The following ZZEF1 variants were observed in gnomAD, a reference collection of about 807,000 sequenced individuals.
ZZEF1 encodes zinc finger ZZ-type and EF-hand domain containing 1, also known as zinc finger ZZ-type and EF-hand domain-containing protein 1.
In ZZEF1, 157 loss-of-function variants were observed where a neutral mutation model predicts 342.8. That is an observed-to-expected ratio of 0.46 (90% CI 0.40 to 0.52). The LOEUF (loss-of-function observed/expected upper bound fraction) is 0.52, where lower values mean the gene tolerates loss of function less well. Among genes scored for constraint, ZZEF1 ranks in the 20% least tolerant of loss-of-function variants. The pLI is 0.00. For missense variants in ZZEF1, 3,480 were observed against 3,725.6 expected (o/e 0.93, Z 1.72); for synonymous variants, 1,505 against 1,429.1 (o/e 1.05, Z -1.20).
intron 23 of ZZEF1, among the ~76,000 whole-genome samples, chr17:4,074,814 AT>A (rs2057577646): frequency 1.3e-5 from 2 of 152,216 alleles, no homozygotes; most frequent in African/African-American, 4.8e-5. Context: ...AAGGCTCTTC[AT>A]TTACTCTAGA....
intron 45 of ZZEF1, 36 bp from the exon 46 acceptor site, chr17:4,019,805 A>G: frequency 2.0e-6 from 3 of 1,518,560 alleles, no homozygotes; most frequent in Non-Finnish European, 2.7e-6. Flanking sequence ...AAGAACCATT[A>G]ACAGTGCTTC....
chr17:4,036,805 ACACACACACACACTCTCTCT>A (rs1352279081), intron 39 of ZZEF1, among the ~76,000 whole-genome samples: 20 of 93,502 alleles, frequency 2.1e-4, no homozygotes, highest in African/African-American at 1.9e-3. Flanking sequence ...ACACACACAC[ACACACACACACACTCTCTCT>A]CTCTCTCTCT....
At chr17:4,012,212 C>T (rs67858450) in intron 52 of ZZEF1, among the ~76,000 whole-genome samples, 5,527 of 152,276 alleles carry the variant, frequency 0.036, 314 homozygotes, top group African/African-American at 0.12. Flanking sequence ...CTGGACTCGA[C>T]GCTCAAGTGA....
chr17:4,020,097 G>A (rs1410207347), intron 45 of ZZEF1: 4 of 219,146 alleles, frequency 1.8e-5, no homozygotes, highest in Admixed American at 1.2e-4. Context: ...TTACACTCAA[G>A]TTTGACAACT....
intron 18 of ZZEF1, among the ~76,000 whole-genome samples, chr17:4,078,259 T>G (rs539779893): frequency 6.6e-6 from 1 of 152,322 alleles, no homozygotes; most frequent in South Asian, 2.1e-4. Context: ...AAAGGTTTTT[T>G]ATTCCACATG....
chr17:4,136,711 T>G (rs2058754946), intron 1 of ZZEF1, among the ~76,000 whole-genome samples: 2 of 152,132 alleles, frequency 1.3e-5, no homozygotes, highest in African/African-American at 4.8e-5. Context: ...AGGGGGCAGC[T>G]TGCAGGCAAT....
intron 2 of ZZEF1, among the ~76,000 whole-genome samples, chr17:4,120,265 G>A (rs1010181147): frequency 3.9e-5 from 6 of 152,014 alleles, no homozygotes; most frequent in Admixed American, 6.6e-5. Flanking sequence ...GCTGAGGCAG[G>A]AGAATTGCTT....
intron 36 of ZZEF1, among the ~76,000 whole-genome samples, chr17:4,050,076 C>G (rs1234027547): frequency 6.6e-6 from 1 of 152,164 alleles, no homozygotes; most frequent in African/African-American, 2.4e-5. Context: ...GATACCTGCA[C>G]TTTATACTTT....
At chr17:4,063,728 A>ATT (rs549620718) in intron 29 of ZZEF1, among the ~76,000 whole-genome samples, 8,802 of 130,686 alleles carry the variant, frequency 0.067, 431 homozygotes, top group South Asian at 0.12. Flanking sequence ...CACTCAGGTC[A>ATT]TTTTTTTTTT....
rs1170954083 is a variant in ZZEF1 at position 4,008,854 on chromosome 17, G to A, written c.8805+29C>T. 2 of 1,543,570 alleles carry A rather than the reference G, an allele frequency of 1.3e-6. No individual in the cohort carries two copies. The highest frequency in any genetic ancestry group is 3.9e-5 in the Admixed American group (2 of 51,072). On this transcript the variant is annotated intron_variant, in intron 54 of 54. Transcript: ENST00000381638. This position sits in a 1 kb window ranked among gnomAD's most constrained non-coding sequence, Gnocchi z 4.2. ...TGAGATGGTGGCGCCCCAGCCTGGG[G>A]GCCAGCTCTGTTGGGGTGGAGAGAG...
At chr17:4,032,061 T>G in intron 42 of ZZEF1, 65 bp downstream of exon 42, 1 of 1,518,970 alleles carries the variant, frequency 6.6e-7, no homozygotes, top group Non-Finnish European at 8.8e-7. Flanking sequence ...TTTCATTGAT[T>G]TTAGGGTACG....
intron 40 of ZZEF1, chr17:4,033,764 A>C (rs2145061582): frequency 1.8e-6 from 1 of 544,388 alleles, no homozygotes; most frequent in East Asian, 3.1e-5. Context: ...TAAAAACAGA[A>C]TATGCCTCAT....
chr17:4,044,603 C>A (rs937918090), intron 37 of ZZEF1, among the ~76,000 whole-genome samples: 2 of 151,790 alleles, frequency 1.3e-5, no homozygotes, highest in African/African-American at 4.8e-5. Context: ...ACTGCAACCT[C>A]CACCTCCCAG....
intron 46 of ZZEF1, among the ~76,000 whole-genome samples, chr17:4,019,443 C>A (rs145372010): frequency 6.6e-6 from 1 of 152,126 alleles, no homozygotes; most frequent in Non-Finnish European, 1.5e-5. Flanking sequence ...TCTCAGAGGC[C>A]GACTACAAAC....
chr17:4,016,259 G>A lies in ZZEF1; in HGVS notation c.8145+64C>T, dbSNP rs1265220749. ...GGCTGAGCATGGAGGGGCTGAGCACGGAGGGGCTGACGAGGTCTCTGCGGC... is the reference window on the plus strand; with the variant it reads ...GGCTGAGCATGGAGGGGCTGAGCACAGAGGGGCTGACGAGGTCTCTGCGGC... On this transcript the variant is annotated intron_variant, in intron 49 of 54. Transcript: ENST00000381638. The surrounding 1 kb of genome is among the most constrained non-coding windows in gnomAD (Gnocchi z 4.4). The A allele has an allele frequency of 2.8e-5, 43 of 1,554,310 alleles. No individual in the cohort carries two copies. Among genetic ancestry groups the A allele is most frequent in the Admixed American group, 4.0e-5 (2 of 49,566 alleles).
At chr17:4,105,321 A>C (rs987164534) in intron 7 of ZZEF1, among the ~76,000 whole-genome samples, 1 of 152,176 alleles carries the variant, frequency 6.6e-6, no homozygotes, top group African/African-American at 2.4e-5. Flanking sequence ...CTATCAAGCT[A>C]TCCAGGTGCC....
At chr17:4,112,877 C>A in intron 4 of ZZEF1, 69 bp from the exon 5 acceptor site, 1 of 1,351,654 alleles carries the variant, frequency 7.4e-7, no homozygotes, top group Non-Finnish European at 9.9e-7. Flanking sequence ...TCCAGAAGTC[C>A]CACCTCAAAG....
At chr17:4,011,919 G>C (rs2055969461) in intron 52 of ZZEF1, among the ~76,000 whole-genome samples, 1 of 152,168 alleles carries the variant, frequency 6.6e-6, no homozygotes, top group South Asian at 2.1e-4. Context: ...ACTGCCCCTT[G>C]TGTGTGGCCT....
intron 53 of ZZEF1, 81 bp from the exon 54 acceptor site, chr17:4,009,035 T>C: frequency 6.7e-7 from 1 of 1,485,096 alleles, no homozygotes; most frequent in Non-Finnish European, 9.1e-7. Flanking sequence ...GACACCTGCT[T>C]GCGAAAGCAG....
Sources: allele counts gnomAD v4.1 joint callset (sites outside exome capture counted in the v4.1 genomes callset), GRCh38; gene constraint gnomAD v4.1.1; non-coding constraint Gnocchi (gnomAD v3.1); transcripts MANE v1.5; gene names NCBI Gene and HGNC (gene_info 2026-07-23, HGNC 2026-07-21).